INSL6: variants seen among roughly 807,000 people sequenced by gnomAD.
INSL6 encodes insulin-like peptide INSL6.
Under a neutral mutation model 9.4 loss-of-function variants are expected in INSL6, and 16 were observed. That is an observed-to-expected ratio of 1.70 (90% CI 1.15 to 2.59). INSL6 has a LOEUF of 2.59. INSL6 is among the 30% of genes most tolerant of loss of function. The pLI is 0.00. For synonymous variants in INSL6, 154 were observed against 96.9 expected (o/e 1.59, Z -3.46); for missense variants, 391 against 257.3 (o/e 1.52, Z -3.56).
the INSL6 span, among the ~76,000 whole-genome samples, chr9:5,083,193 T>A: frequency 7.0e-6 from 1 of 143,616 alleles, no homozygotes; most frequent in Non-Finnish European, 1.5e-5. Context: ...TGCCTTTAGT[T>A]ATCTCAGGGA....
chr9:5,051,726 G>C, the INSL6 span, among the ~76,000 whole-genome samples: 1 of 152,138 alleles, frequency 6.6e-6, no homozygotes, highest in Non-Finnish European at 1.5e-5. Context: ...TACATCATGA[G>C]TGTGGTTAAA....
intron 1 of INSL6, among the ~76,000 whole-genome samples, chr9:5,183,239 A>C (rs1316899908): frequency 1.3e-5 from 2 of 152,240 alleles, no homozygotes; most frequent in African/African-American, 4.8e-5. Context: ...TAAAATTATA[A>C]TACAATTCAT....
chr9:5,081,188 C>A, the INSL6 span, among the ~76,000 whole-genome samples: 414 of 151,966 alleles, frequency 2.7e-3, 1 homozygote, highest in Non-Finnish European at 5.0e-3. Context: ...AGCCACCGCT[C>A]CCAGCCAAAA....
chr9:5,131,487 G>C (rs910161845), intron 3 of INSL6, among the ~76,000 whole-genome samples: 3 of 133,658 alleles, frequency 2.2e-5, no homozygotes, highest in Admixed American at 8.0e-5. Context: ...GTCCAGGCTG[G>C]AGTGCAATGG....
At chr9:5,041,201 C>A in the INSL6 span, 1 of 1,451,448 alleles carries the variant, frequency 6.9e-7, no homozygotes, top group Non-Finnish European at 9.5e-7. Flanking sequence ...GGACGTGAAG[C>A]CCGAGAACTT....
chr9:5,082,496 G>T, the INSL6 span, among the ~76,000 whole-genome samples: 3 of 152,198 alleles, frequency 2.0e-5, no homozygotes, highest in Non-Finnish European at 4.4e-5. Flanking sequence ...ATGTATAATT[G>T]GGTTTTATAC....
At chr9:5,120,096 G>A (rs370920676), downstream of INSL6, among the ~76,000 whole-genome samples, 7 of 152,282 alleles carry the variant, frequency 4.6e-5, no homozygotes, top group East Asian at 1.4e-3. Context: ...AAAAGTGCTG[G>A]CAGGTTCAGG....
chr9:5,041,266 C>T, the INSL6 span: 7 of 1,307,598 alleles, frequency 5.4e-6, no homozygotes, highest in South Asian at 1.2e-5. Flanking sequence ...TCATCGACCT[C>T]GGGCTGGCCA....
the INSL6 span, chr9:5,040,867 A>C: frequency 4.2e-5 from 10 of 235,814 alleles, no homozygotes; most frequent in African/African-American, 2.1e-4. Context: ...GAGGGGCCGG[A>C]GCGCGGATCC....
At chr9:5,085,333 G>C in the INSL6 span, 1 of 858,416 alleles carries the variant, frequency 1.2e-6, no homozygotes, top group Admixed American at 1.7e-5. Flanking sequence ...TAGCTGAAAA[G>C]CTATTCCTAC....
At chr9:5,030,404 T>A in the INSL6 span, among the ~76,000 whole-genome samples, 10 of 152,142 alleles carry the variant, frequency 6.6e-5, no homozygotes, top group Admixed American at 4.6e-4. Context: ...CTAGAAGTAT[T>A]TTTTTGCTCG....
At chr9:5,023,307 TC>T in the INSL6 span, among the ~76,000 whole-genome samples, 1 of 152,212 alleles carries the variant, frequency 6.6e-6, no homozygotes, top group African/African-American at 2.4e-5. Context: ...GACCTTCAGT[TC>T]CATCCATGTT....
chr9:5,128,740 A>C (rs1352483330), intron 3 of INSL6, among the ~76,000 whole-genome samples: 1 of 151,928 alleles, frequency 6.6e-6, no homozygotes, highest in Non-Finnish European at 1.5e-5. Context: ...AGGCTTCGTA[A>C]AGTTTTCCAT....
the INSL6 span, among the ~76,000 whole-genome samples, chr9:5,067,586 T>G: frequency 3.3e-5 from 5 of 152,018 alleles, no homozygotes; most frequent in Non-Finnish European, 7.4e-5. Flanking sequence ...TGGTAATCTA[T>G]CCTAATTTCA....
chr9:5,128,828 T>C (rs985348180), intron 3 of INSL6, among the ~76,000 whole-genome samples: 1 of 152,024 alleles, frequency 6.6e-6, no homozygotes, highest in Non-Finnish European at 1.5e-5. Context: ...AGGTAAGTAA[T>C]TATTGTACCA....
the INSL6 span, among the ~76,000 whole-genome samples, chr9:5,034,536 G>A: frequency 2.7e-5 from 4 of 150,782 alleles, no homozygotes; most frequent in African/African-American, 7.4e-5. Flanking sequence ...ATAACAAACT[G>A]TCTCTCAGAC....
the INSL6 span, among the ~76,000 whole-genome samples, chr9:5,015,466 G>A: frequency 6.6e-6 from 1 of 152,056 alleles, no homozygotes; most frequent in African/African-American, 2.4e-5. Flanking sequence ...TAAACGGCTG[G>A]CACCTTAGCA....
chr9:5,024,486 G>T, the INSL6 span, among the ~76,000 whole-genome samples: 1 of 151,936 alleles, frequency 6.6e-6, no homozygotes, highest in South Asian at 2.1e-4. Flanking sequence ...CTTCCTGCTT[G>T]TGCTGACTCT....
At chr9:5,091,058 G>C in the INSL6 span, 1 of 572,408 alleles carries the variant, frequency 1.7e-6, no homozygotes, top group Non-Finnish European at 3.0e-6. Flanking sequence ...TTTTTTTTTA[G>C]GTCTTATAGT....
Sources: allele counts gnomAD v4.1 joint callset (sites outside exome capture counted in the v4.1 genomes callset), GRCh38; gene constraint gnomAD v4.1.1; transcripts MANE v1.5; gene names NCBI Gene and HGNC (gene_info 2026-07-23, HGNC 2026-07-21).